The following TECPR2 variants were observed in gnomAD, a reference collection of about 807,000 sequenced individuals.
TECPR2 encodes tectonin beta-propeller repeat-containing protein 2.
Under a neutral mutation model 138.1 loss-of-function variants are expected in TECPR2, and 65 were observed. That is an observed-to-expected ratio of 0.47 (90% CI 0.39 to 0.58). The LOEUF (loss-of-function observed/expected upper bound fraction) is 0.58, where lower values mean the gene tolerates loss of function less well. TECPR2 is among the 20% of genes least tolerant of loss of function. The pLI is 0.00. For synonymous variants in TECPR2, 746 were observed against 749.8 expected (o/e 0.99, Z 0.08); for missense variants, 1,553 against 1,824.5 (o/e 0.85, Z 2.71).
In TECPR2 at chr14:102,376,751, C is replaced by T; in HGVS notation, c.30C>T (p.Phe10=). The part of the protein sequence containing the change: MASISEPVT[F]REFCPLYYLL... ...CATCGATATCAGAGCCTGTTACATT[C>T]AGAGAGTTCTGCCCGTTGTACTATC... The change falls in exon 2 of 20, where the codon TTC becomes TTT. Residue 10 remains phenylalanine, a synonymous_variant. Transcript: ENST00000359520. 6.2e-7 allele frequency: 1 copy of T among 1,614,208 alleles called. No individual in the cohort carries two copies. The highest frequency in any genetic ancestry group is 8.5e-7 in the Non-Finnish European group (1 of 1,180,036).
chr14:102,411,449 C>T (rs1002322167), intron 4 of TECPR2, among the ~76,000 whole-genome samples: 1 of 152,198 alleles, frequency 6.6e-6, no homozygotes, highest in Admixed American at 6.5e-5. Flanking sequence ...GTGTAAATGG[C>T]CTGTCCTTGC....
intron 2 of TECPR2, among the ~76,000 whole-genome samples, chr14:102,380,274 A>G (rs1049401654): frequency 2.0e-5 from 3 of 152,278 alleles, no homozygotes; most frequent in Non-Finnish European, 2.9e-5. Flanking sequence ...CAATCTTAAA[A>G]ATAGCCAGAG....
chr14:102,482,889 G>C (rs1472337430), intron 17 of TECPR2, among the ~76,000 whole-genome samples: 2 of 144,828 alleles, frequency 1.4e-5, no homozygotes, highest in Non-Finnish European at 3.0e-5. Flanking sequence ...TGTCGCCCAG[G>C]CTGGAGTGCA....
chr14:102,362,957 C>T lies in TECPR2; in HGVS notation c.-232C>T. 2 of 1,455,166 alleles carry T rather than the reference C, an allele frequency of 1.4e-6. No individual in the cohort carries two copies. Among genetic ancestry groups the T allele is most frequent in the Non-Finnish European group, 1.9e-6 (2 of 1,056,830 alleles). 90.1% of individuals were successfully genotyped at this position (1,455,166 alleles called of 1,614,324 possible). ...CCCGCTGCCACTTGTGGCTCTGCCG[C>T]TCTAGCCCCCGGCGGAGCCAGCTGC... On this transcript the variant is annotated 5_prime_UTR_variant, in exon 1 of 20. Transcript: ENST00000359520.
rs761887165 is a variant in TECPR2, at chr14:102,425,244, C to A, written c.904C>A (p.Leu302Met). The A allele has an allele frequency of 4.3e-6, 7 of 1,612,956 alleles. No homozygotes were observed. The South Asian group carries it at 7.7e-5, about 18-fold the overall frequency. Residue 302 changes from leucine to methionine, a missense_variant, in exon 6 of 20, where the codon CTG becomes ATG. Transcript: ENST00000359520. ...ATGTTTCTTTCAAGAAGGCTGGGTG[C>A]TGAGTTGGAATGAATATAGTATCTA... is the stretch of plus-strand genomic sequence containing the variant. ...VSCFFQEGWVLSWNEYSIYLL... is the reference protein window; with the variant it reads ...VSCFFQEGWVMSWNEYSIYLL...
chr14:102,365,576 G>A (rs1015371591), intron 1 of TECPR2, among the ~76,000 whole-genome samples: 2 of 152,226 alleles, frequency 1.3e-5, no homozygotes, highest in Non-Finnish European at 2.9e-5. Flanking sequence ...CTACAACATG[G>A]AGGAACCTTG....
intron 17 of TECPR2, among the ~76,000 whole-genome samples, chr14:102,491,988 A>G (rs1891169897): frequency 1.3e-5 from 2 of 152,340 alleles, no homozygotes; most frequent in East Asian, 1.9e-4. Context: ...CTTGGGCCAC[A>G]TGAGCCCTGC....
rs17588387 is a variant in TECPR2 at position 102,376,439 on chromosome 14, A to G, written c.-72-211A>G. Among the ~76,000 whole-genome samples, 4,144 of 152,272 alleles carry G rather than the reference A, an allele frequency of 0.027. 74 individuals are homozygous for G. The highest frequency in any genetic ancestry group is 0.085 in the Middle Eastern group (25 of 294). ...TTTCCACTCCTCCATGGCATTCACT[A>G]CAACATAAATCATAGAGGTCAGAAC... On this transcript the variant is annotated intron_variant, in intron 1 of 19. Coordinates refer to ENST00000359520, the MANE Select transcript of TECPR2 (RefSeq NM_014844.5).
intron 16 of TECPR2, among the ~76,000 whole-genome samples, chr14:102,457,616 C>G (rs34848837): frequency 8.6e-5 from 13 of 151,678 alleles, no homozygotes; most frequent in Admixed American, 7.2e-4. Flanking sequence ...AGCAGTGGGC[C>G]GGGTGCAGTG....
intron 2 of TECPR2, among the ~76,000 whole-genome samples, chr14:102,378,156 C>T (rs1485689261): frequency 6.6e-6 from 1 of 152,158 alleles, no homozygotes; most frequent in Admixed American, 6.5e-5. Flanking sequence ...TGGCTTCCAC[C>T]ACATGGGACT....
intron 13 of TECPR2, among the ~76,000 whole-genome samples, chr14:102,448,255 C>T (rs1267515765): frequency 6.6e-6 from 1 of 152,138 alleles, no homozygotes; most frequent in Non-Finnish European, 1.5e-5. Context: ...CCACTGTGCC[C>T]GACCAGGAGT....
chr14:102,424,906 G>T, intron 5 of TECPR2, 73 bp from the exon 6 acceptor site: 1 of 1,400,728 alleles, frequency 7.1e-7, no homozygotes, highest in Non-Finnish European at 9.8e-7. Context: ...TTAATATTAA[G>T]GGTTGACAAC....
intron 2 of TECPR2, among the ~76,000 whole-genome samples, chr14:102,405,567 T>C (rs915351214): frequency 1.3e-5 from 2 of 152,194 alleles, no homozygotes; most frequent in Non-Finnish European, 2.9e-5. Context: ...TGGTGCATTG[T>C]TCACAGGAAT....
chr14:102,430,042 C>G (rs1889425129), intron 7 of TECPR2, among the ~76,000 whole-genome samples: 1 of 152,132 alleles, frequency 6.6e-6, no homozygotes, highest in African/African-American at 2.4e-5. Flanking sequence ...TCTCTGGTCA[C>G]TGCAACCTCC....
intron 7 of TECPR2, 34 bp downstream of exon 7, chr14:102,428,416 G>A: frequency 6.2e-7 from 1 of 1,606,550 alleles, no homozygotes; most frequent in Non-Finnish European, 8.5e-7. Flanking sequence ...CCATGTATAT[G>A]ATGGGAAGTA....
chr14:102,457,167 C>T (rs1243727372), intron 16 of TECPR2, among the ~76,000 whole-genome samples: 1 of 152,058 alleles, frequency 6.6e-6, no homozygotes, highest in Non-Finnish European at 1.5e-5. Flanking sequence ...TGACTGCGAC[C>T]TCCGCCTCCT....
chr14:102,448,334 G>A (rs1595131858), intron 13 of TECPR2, among the ~76,000 whole-genome samples: 1 of 152,194 alleles, frequency 6.6e-6, no homozygotes, highest in Admixed American at 6.5e-5. Context: ...TGAACATCAT[G>A]GAGAATCAGA....
chr14:102,487,442 G>T (rs188298450), intron 17 of TECPR2, among the ~76,000 whole-genome samples: 8 of 152,234 alleles, frequency 5.3e-5, no homozygotes, highest in Non-Finnish European at 8.8e-5. Flanking sequence ...GTGTGTGTGC[G>T]TGCGCACACG....
At chr14:102,459,162 C>T (rs1361851907) in intron 16 of TECPR2, among the ~76,000 whole-genome samples, 1 of 152,024 alleles carries the variant, frequency 6.6e-6, no homozygotes, top group African/African-American at 2.4e-5. Context: ...AACTCCTGGG[C>T]TCCAGTGATG....
Sources: allele counts gnomAD v4.1 joint callset (sites outside exome capture counted in the v4.1 genomes callset), GRCh38; gene constraint gnomAD v4.1.1; transcripts MANE v1.5; gene names NCBI Gene and HGNC (gene_info 2026-07-23, HGNC 2026-07-21).